The following OR8B2 variants were observed in gnomAD, a reference collection of about 807,000 sequenced individuals.
OR8B2 encodes the protein olfactory receptor 8B2.
For synonymous variants in OR8B2, 98 were observed against 138.2 expected (o/e 0.71, Z 2.04); for missense variants, 304 against 379.6 (o/e 0.80, Z 1.65).
At chr11:124,388,957 C>T (rs143190881), upstream of OR8B2, among the ~76,000 whole-genome samples, 240 of 151,814 alleles carry the variant, frequency 1.6e-3, no homozygotes, top group African/African-American at 5.2e-3. Flanking sequence ...TCCCAAGTAG[C>T]TGGGATTACA....
the OR8B2 span, chr11:124,396,945 A>G: frequency 6.2e-7 from 1 of 1,611,306 alleles, no homozygotes; most frequent in Admixed American, 1.7e-5. Flanking sequence ...CTGATGGGAC[A>G]TGGTGACCTT....
the OR8B2 span, chr11:124,396,996 G>A: frequency 6.2e-7 from 1 of 1,613,856 alleles, no homozygotes; most frequent in Non-Finnish European, 8.5e-7. Flanking sequence ...GCGATCATAT[G>A]CCATTGAGGT....
Position 124,382,752 on chromosome 11 carries a change from C to G in OR8B2, c.592G>C (p.Val198Leu). ...SCTSTYVNEV[V>L]VLIVVGTNIT... The stretch of plus-strand genomic sequence containing the variant: ...TTAGTACCCACAACAATGAGAACAA[C>G]CACCTCGTTGACATAGGTGCTGGTG... The change falls in exon 2 of 2, where the codon GTT becomes CTT. Residue 198 changes from valine to leucine, a missense_variant. Physicochemically the swap from Val to Leu is conservative, Grantham distance 32. Transcript: ENST00000641451. 6.2e-7 allele frequency: 1 copy of G among 1,613,816 alleles called. No homozygotes were observed.
upstream of OR8B2, among the ~76,000 whole-genome samples, chr11:124,388,221 T>C (rs535311789): frequency 2.7e-3 from 396 of 146,472 alleles, no homozygotes; most frequent in African/African-American, 9.8e-3. Context: ...ACAATTTGAC[T>C]TCCTCTTTTC....
chr11:124,393,969 AT>A, the OR8B2 span, among the ~76,000 whole-genome samples: 1 of 151,278 alleles, frequency 6.6e-6, no homozygotes, highest in Non-Finnish European at 1.5e-5. Flanking sequence ...CATGGATGAA[AT>A]TGGAAATCAT....
chr11:124,389,290 A>G (rs1334150302), upstream of OR8B2, among the ~76,000 whole-genome samples: 2 of 152,036 alleles, frequency 1.3e-5, no homozygotes, highest in Middle Eastern at 3.4e-3. Context: ...TATGAATGGA[A>G]AATTGCTTTA....
the OR8B2 span, among the ~76,000 whole-genome samples, chr11:124,394,213 T>A: frequency 2.0e-5 from 3 of 151,548 alleles, no homozygotes; most frequent in African/African-American, 7.3e-5. Flanking sequence ...GTAACTAACC[T>A]ACACATTGTG....
At chr11:124,396,509 C>T in the OR8B2 span, 13 of 1,613,934 alleles carry the variant, frequency 8.1e-6, no homozygotes, top group Non-Finnish European at 1.1e-5. Context: ...TGAGCATGGG[C>T]ACCACATTAG....
upstream of OR8B2, among the ~76,000 whole-genome samples, chr11:124,385,303 C>A (rs1860680419): frequency 6.6e-6 from 1 of 152,144 alleles, no homozygotes; most frequent in South Asian, 2.1e-4. Context: ...TATTTTTTAC[C>A]TTTTTATTTT....
the OR8B2 span, chr11:124,396,720 C>G: frequency 6.2e-7 from 1 of 1,613,686 alleles, no homozygotes; most frequent in Non-Finnish European, 8.5e-7. Context: ...GATGGTACAA[C>G]TGGGTACCAT....
At chr11:124,387,613 T>C (rs1437424904), upstream of OR8B2, among the ~76,000 whole-genome samples, 65 of 149,428 alleles carry the variant, frequency 4.3e-4, no homozygotes, top group African/African-American at 1.5e-3. Context: ...GTTCCATTGA[T>C]CTATATCTCT....
the OR8B2 span, chr11:124,396,633 G>A: frequency 6.2e-7 from 1 of 1,611,576 alleles, no homozygotes; most frequent in Admixed American, 1.7e-5. Context: ...AGAGCTACAA[G>A]TACTGAAGGC....
the OR8B2 span, among the ~76,000 whole-genome samples, chr11:124,393,121 G>A: frequency 1.4e-5 from 2 of 146,592 alleles, no homozygotes; most frequent in Non-Finnish European, 2.9e-5. Context: ...ATTCAAGATG[G>A]ATTAAAGACT....
rs761727905 is a variant in OR8B2 at position 124,382,450 on chromosome 11, A to C, written c.894T>G (p.Val298=). 15 of 1,613,358 alleles carry C rather than the reference A, an allele frequency of 9.3e-6. No individual in the cohort carries two copies. The highest frequency in any genetic ancestry group is 1.1e-5 in the Non-Finnish European group (13 of 1,179,868). Residue 298 remains valine (V), a synonymous_variant, in exon 2 of 2, where the codon GTT becomes GTG. Coordinates refer to ENST00000641451, the MANE Select transcript of OR8B2 (RefSeq NM_001005468.2). ...IYSLRNKDVK[V]ALRKALIKIQ... Reference sequence around the variant, plus strand: ...TTTTAATCAGAGCTTTCCTCAGTGCAACTTTGACATCCTTGTTCCTCAAAC... The same window carrying C: ...TTTTAATCAGAGCTTTCCTCAGTGCCACTTTGACATCCTTGTTCCTCAAAC...
At chr11:124,383,737 A>G (rs1860648269) in intron 1 of OR8B2, among the ~76,000 whole-genome samples, 1 of 152,110 alleles carries the variant, frequency 6.6e-6, no homozygotes, top group Non-Finnish European at 1.5e-5. Context: ...TTTCCCTGTG[A>G]TGACCACCAG....
At chr11:124,390,700 G>A in the OR8B2 span, among the ~76,000 whole-genome samples, 385 of 151,886 alleles carry the variant, frequency 2.5e-3, 1 homozygote, top group Non-Finnish European at 4.4e-3. Context: ...TTTCTAGCCT[G>A]TGTTTGCCTA....
chr11:124,387,005 C>T (rs536783356), upstream of OR8B2, among the ~76,000 whole-genome samples: 3 of 152,344 alleles, frequency 2.0e-5, no homozygotes, highest in South Asian at 6.2e-4. Flanking sequence ...TCTCTGATGG[C>T]CAGTGATGGT....
the OR8B2 span, among the ~76,000 whole-genome samples, chr11:124,393,036 G>A: frequency 1.2e-4 from 17 of 145,264 alleles, no homozygotes; most frequent in Non-Finnish European, 1.9e-4. Flanking sequence ...TTTAATAAAT[G>A]GTGCTGGGAA....
At chr11:124,393,889 A>T in the OR8B2 span, among the ~76,000 whole-genome samples, 1 of 150,792 alleles carries the variant, frequency 6.6e-6, no homozygotes, top group Non-Finnish European at 1.5e-5. Flanking sequence ...GATTAAAAAA[A>T]TGTGGCACAT....
Sources: allele counts gnomAD v4.1 joint callset (sites outside exome capture counted in the v4.1 genomes callset), GRCh38; gene constraint gnomAD v4.1.1; transcripts MANE v1.5; gene names NCBI Gene and HGNC (gene_info 2026-07-23, HGNC 2026-07-21).